The following UNC45B variants were observed in gnomAD, a reference collection of about 807,000 sequenced individuals.
UNC45B encodes the protein protein unc-45 homolog B.
UNC45B carries 78 observed loss-of-function variants against 98.7 expected under a neutral mutation model. The ratio of observed to expected loss-of-function variants is 0.79; its 90% confidence interval spans 0.66 to 0.95. The LOEUF (loss-of-function observed/expected upper bound fraction) is 0.95, where lower values mean the gene tolerates loss of function less well. Among genes scored for constraint, UNC45B ranks in the 40% least tolerant of loss-of-function variants. The probability of loss-of-function intolerance (pLI) is 0.00; values close to 1 mark genes in which losing one functional copy is unlikely to be tolerated. For synonymous variants in UNC45B, 462 were observed against 480.4 expected, an observed-to-expected ratio of 0.96 and a Z score of 0.50; for missense variants, 1,225 against 1,184.9, an observed-to-expected ratio of 1.03 and a Z score of -0.50.
At chr17:35,184,638 C>CA (rs2092292988) in intron 19 of UNC45B, among the ~76,000 whole-genome samples, 1 of 152,198 alleles carries the variant, frequency 6.6e-6, no homozygotes, top group South Asian at 2.1e-4. Context: ...TTATTATTGT[C>CA]ATCATCCCTA....
intron 4 of UNC45B, among the ~76,000 whole-genome samples, chr17:35,152,572 A>G (rs1470435252): frequency 6.6e-6 from 1 of 152,230 alleles, no homozygotes; most frequent in East Asian, 1.9e-4. Flanking sequence ...TTAAATGTCT[A>G]ATAGCAGATT....
chr17:35,152,414 G>T (rs999852640), intron 4 of UNC45B, among the ~76,000 whole-genome samples: 4 of 152,168 alleles, frequency 2.6e-5, no homozygotes, highest in African/African-American at 9.7e-5. Context: ...AGTGGGGACT[G>T]TGAGGGACTA....
chr17:35,174,184 A>G, intron 13 of UNC45B, 58 bp from the exon 14 acceptor site: 2 of 1,610,694 alleles, frequency 1.2e-6, no homozygotes, highest in African/African-American at 2.7e-5. Context: ...TTTGGTTCCA[A>G]TACCGATTGG....
chr17:35,153,496 A>G (rs1213578033), intron 5 of UNC45B, among the ~76,000 whole-genome samples: 1 of 144,068 alleles, frequency 6.9e-6, no homozygotes, highest in African/African-American at 2.5e-5. Context: ...TTTTTTTTTT[A>G]TGTTTCCTTC....
chr17:35,159,865 T>C (rs2092090461), intron 8 of UNC45B, among the ~76,000 whole-genome samples: 1 of 152,236 alleles, frequency 6.6e-6, no homozygotes. Context: ...GGTAAAATAC[T>C]TCACAGGCCT....
Position 35,183,477 on chromosome 17 carries a change from G to T in UNC45B, c.2424G>T (p.Val808=). 6.2e-7 allele frequency: 1 copy of T among 1,604,886 alleles called. No homozygotes were observed. Among genetic ancestry groups the T allele is most frequent in the Non-Finnish European group, 8.5e-7 (1 of 1,175,128 alleles). The change falls in exon 19 of 20, where the codon GTG becomes GTT. Residue 808 remains valine, a synonymous_variant. Transcript: ENST00000394570. The stretch of plus-strand genomic sequence containing the variant: ...GGAATGACCGGCTGAAGCTGGTGGT[G>T]CTGCTCTGCGGGGAGGATGATGATA... ...ADGNDRLKLV[V]LLCGEDDDKV...
At chr17:35,178,653 AG>A (rs765332619) in intron 17 of UNC45B, among the ~76,000 whole-genome samples, 2 of 152,156 alleles carry the variant, frequency 1.3e-5, no homozygotes, top group Non-Finnish European at 2.9e-5. Flanking sequence ...GTTTTCTTCT[AG>A]GGTTTTTATG....
At chr17:35,166,016 C>T (rs1053914751) in intron 9 of UNC45B, among the ~76,000 whole-genome samples, 3 of 138,792 alleles carry the variant, frequency 2.2e-5, no homozygotes, top group African/African-American at 5.3e-5. Context: ...TTTGGGAGGC[C>T]GATGTGGGAG....
intron 13 of UNC45B, 104 bp downstream of exon 13, chr17:35,171,566 T>C (rs908648797): frequency 4.9e-6 from 7 of 1,415,936 alleles, no homozygotes; most frequent in African/African-American, 1.4e-5. Flanking sequence ...CGGTGTGTGT[T>C]TGGGTGGTTG....
At position 35,176,014 on chromosome 17, in the gene UNC45B, G is replaced by T. The variant is rs1346014393; in HGVS notation, c.2005G>T (p.Val669Leu). 6.2e-7 allele frequency: 1 copy of T among 1,614,064 alleles called. No individual in the cohort carries two copies. Among genetic ancestry groups the T allele is most frequent in the Non-Finnish European group, 8.5e-7 (1 of 1,180,044 alleles). Residue 669 changes from valine to leucine, a missense_variant, in exon 15 of 20, where the codon GTG becomes TTG. By Grantham distance (32) the Val-to-Leu change is conservative. Coordinates refer to ENST00000394570, the MANE Select transcript of UNC45B (RefSeq NM_001267052.2). The stretch of plus-strand genomic sequence containing the variant: ...CAACCCAAAGGACCGAGGCACCATT[G>T]TGGCTCAAGGTGGTGGCAAGGTAAC... ...CDNPKDRGTI[V>L]AQGGGKALIP... is the part of the protein sequence containing the mutation.
rs1347569749 is a variant in UNC45B, at chr17:35,171,414, C to G, written c.1782C>G (p.Val594=). ...TCAAGGAGGTCATCCCAGAGCTTGT[C>G]CAGCTCGCCAAGTTCTCCAAGCAGC... ...YDVKEVIPEL[V]QLAKFSKQHV... is the part of the protein sequence containing the mutation. The change falls in exon 13 of 20, where the codon GTC becomes GTG. Residue 594 remains valine (V), a synonymous_variant. Transcript: ENST00000394570. 6 of 1,614,044 alleles carry G rather than the reference C, an allele frequency of 3.7e-6. No homozygotes were observed. The African/African-American group carries it at 4.0e-5, about 11-fold the overall frequency.
At chr17:35,158,293 G>C (rs1341596116) in intron 7 of UNC45B, among the ~76,000 whole-genome samples, 2 of 152,252 alleles carry the variant, frequency 1.3e-5, no homozygotes, top group Admixed American at 6.5e-5. Flanking sequence ...GTGGCTGGCA[G>C]TCAACTGGAA....
In UNC45B at chr17:35,155,313, T is replaced by G; in HGVS notation, c.657T>G (p.His219Gln). The change falls in exon 7 of 20, where the codon CAT becomes CAG. Residue 219 changes from histidine to glutamine, a missense_variant. By Grantham distance (24) the His-to-Gln change is conservative (BLOSUM62 0). Coordinates refer to ENST00000394570, the MANE Select transcript of UNC45B (RefSeq NM_001267052.2). ...GHQARATVIL[H>Q]AVRIDRICSL... The stretch of plus-strand genomic sequence containing the variant: ...GGTTCTAGGCCACAGTGATTCTGCA[T>G]GCAGTGCGGATAGACCGAATCTGTA... The G allele has an allele frequency of 6.2e-7, 1 of 1,614,080 alleles. No individual in the cohort carries two copies. Among genetic ancestry groups the G allele is most frequent in the Non-Finnish European group, 8.5e-7 (1 of 1,180,022 alleles).
intron 9 of UNC45B, among the ~76,000 whole-genome samples, chr17:35,167,375 C>T (rs764571891): frequency 6.6e-6 from 1 of 152,184 alleles, no homozygotes; most frequent in Non-Finnish European, 1.5e-5. Flanking sequence ...AATACCAGTG[C>T]TTTGGGAGGC....
rs1344629053 is a variant in UNC45B at position 35,186,599 on chromosome 17, T to C, written c.*40T>C. 2 of 1,603,526 alleles carry C rather than the reference T, an allele frequency of 1.2e-6. No individual in the cohort carries two copies. The highest frequency in any genetic ancestry group is 1.7e-6 in the Non-Finnish European group (2 of 1,173,172). On this transcript the variant is annotated 3_prime_UTR_variant, in exon 20 of 20. Transcript: ENST00000394570. ...GGATGCTGGGAGTGGTCCTGTACTG[T>C]GCAGAGTCCTGGGTTGGTTGGGTTC...
intron 5 of UNC45B, 101 bp downstream of exon 5, chr17:35,153,083 G>C (rs2092032748): frequency 9.9e-7 from 1 of 1,009,726 alleles, no homozygotes; most frequent in African/African-American, 1.6e-5. Flanking sequence ...TGTCTTTGCA[G>C]CCCAGGAAGG....
At chr17:35,173,542 T>C (rs1161501808) in intron 13 of UNC45B, among the ~76,000 whole-genome samples, 1 of 152,146 alleles carries the variant, frequency 6.6e-6, no homozygotes, top group Non-Finnish European at 1.5e-5. Flanking sequence ...GAGAATCATT[T>C]TGTTGCCTTT....
chr17:35,171,294 TC>T lies in UNC45B; in HGVS notation c.1690-25del, dbSNP rs773129110. The T allele has an allele frequency of 2.9e-5, 46 of 1,606,686 alleles. No homozygotes were observed. The East Asian group carries it at 1.0e-3, about 36-fold the overall frequency. On this transcript the variant is annotated intron_variant, in intron 12 of 19. Coordinates refer to ENST00000394570, the MANE Select transcript of UNC45B (RefSeq NM_001267052.2). ...TTGTCCTAAAGTTTCCTTTCTGCTT[TC>T]CCTCTCCCCAACCCTGTGCCTTCCA...
At position 35,150,242 on chromosome 17, in the gene UNC45B, C is replaced by G. The variant is rs556855069; in HGVS notation, c.381+19C>G. On this transcript the variant is annotated intron_variant, in intron 4 of 19. Transcript: ENST00000394570. ...GGAGAAGGTGAGCTGGGCCTCTTCCCACAACCCTTGGCTGCCCAGCCCCTC... is the reference window on the plus strand; with the variant it reads ...GGAGAAGGTGAGCTGGGCCTCTTCCGACAACCCTTGGCTGCCCAGCCCCTC... 1.9e-6 allele frequency: 3 copies of G among 1,596,848 alleles called. No individual in the cohort carries two copies. The highest frequency in any genetic ancestry group is 2.6e-6 in the Non-Finnish European group (3 of 1,171,584).
Sources: gnomAD v4.1 joint callset for allele counts (sites outside exome capture counted in the v4.1 genomes callset) on GRCh38, gnomAD v4.1.1 for gene constraint, MANE v1.5 for transcripts, NCBI Gene and HGNC (gene_info 2026-07-23, HGNC 2026-07-21) for gene names.